AACS: variants seen among roughly 807,000 people sequenced by gnomAD.
AACS encodes the protein acetoacetyl-CoA synthetase, also known as acetoacetate-CoA ligase.
A neutral mutation model predicts 83.1 loss-of-function variants in AACS; 69 were observed. The ratio of observed to expected loss-of-function variants is 0.83; its 90% confidence interval spans 0.68 to 1.01. The LOEUF is 1.01. Among genes scored for constraint, AACS ranks in the 50% least tolerant of loss-of-function variants. The pLI is 0.00. For missense variants in AACS, 866 were observed against 882.2 expected, an observed-to-expected ratio of 0.98 and a Z score of 0.23; for synonymous variants, 333 against 343.4, an observed-to-expected ratio of 0.97 and a Z score of 0.33.
intron 17 of AACS, among the ~76,000 whole-genome samples, chr12:125,138,014 T>G (rs1326170684): frequency 6.6e-6 from 1 of 152,246 alleles, no homozygotes; most frequent in African/African-American, 2.4e-5. Flanking sequence ...TCTCTTTGCC[T>G]TAAAAGTTAT....
chr12:125,070,143 C>T (rs1007892805), intron 1 of AACS, among the ~76,000 whole-genome samples: 1 of 152,264 alleles, frequency 6.6e-6, no homozygotes, highest in East Asian at 1.9e-4. Context: ...GGGGAGGGTG[C>T]TGAGTGAAGG....
At chr12:125,066,214 T>C (rs1222190685) in intron 1 of AACS, among the ~76,000 whole-genome samples, 3 of 152,042 alleles carry the variant, frequency 2.0e-5, no homozygotes, top group African/African-American at 7.2e-5. Context: ...AGCAGGATGG[T>C]CAGGCAGGAG....
intron 7 of AACS, among the ~76,000 whole-genome samples, chr12:125,106,605 C>T (rs1387633285): frequency 6.6e-6 from 1 of 152,176 alleles, no homozygotes; most frequent in Non-Finnish European, 1.5e-5. Flanking sequence ...TCTAGCATCT[C>T]CTCCTCTCCC....
intron 3 of AACS, among the ~76,000 whole-genome samples, chr12:125,081,520 G>C (rs1956184829): frequency 6.6e-6 from 1 of 152,136 alleles, no homozygotes; most frequent in South Asian, 2.1e-4. Flanking sequence ...ACGGAGCTCT[G>C]CTCCATGCTC....
At chr12:125,072,964 G>A (rs1224674825) in intron 1 of AACS, among the ~76,000 whole-genome samples, 2 of 110,930 alleles carry the variant, frequency 1.8e-5, no homozygotes, top group South Asian at 6.1e-4. Context: ...GTTTCGCTCT[G>A]TTGCCCAGGC....
At chr12:125,101,248 ACACT>A (rs1400202561) in intron 5 of AACS, 3 of 152,214 alleles carry the variant, frequency 2.0e-5, no homozygotes, top group Non-Finnish European at 2.9e-5. Context: ...ATCTGGACTA[ACACT>A]CAGGGAGTGT....
rs1283911850 is a variant in AACS at position 125,129,495 on chromosome 12, C to T, written c.1549+35C>T. On this transcript the variant is annotated intron_variant, in intron 14 of 17. Transcript: ENST00000316519. This position sits in a 1 kb window ranked among gnomAD's most constrained non-coding sequence, Gnocchi z 4.3. ...AGAGATGCAGACAGAGCTGGCCAGC[C>T]TCTGCCTTGGCTGGGCCTTCTGTGT... The T allele has an allele frequency of 5.6e-6, 9 of 1,604,944 alleles. No individual in the cohort carries two copies. The highest frequency in any genetic ancestry group is 6.8e-6 in the Non-Finnish European group (8 of 1,175,602).
chr12:125,067,622 C>T (rs1016894372), intron 1 of AACS, among the ~76,000 whole-genome samples: 1 of 152,036 alleles, frequency 6.6e-6, no homozygotes, highest in Non-Finnish European at 1.5e-5. Context: ...CAACCTCTGC[C>T]TCCTGGGTTC....
At position 125,102,761 on chromosome 12, in the gene AACS, A is replaced by G. The variant is rs372042543; in HGVS notation, c.653A>G (p.Asn218Ser). 1.2e-6 allele frequency: 2 copies of G among 1,614,006 alleles called. No homozygotes were observed. The highest frequency in any genetic ancestry group is 1.3e-5 in the African/African-American group (1 of 74,900). Residue 218 changes from asparagine to serine, a missense_variant, in exon 6 of 18, where the codon AAC becomes AGC. Transcript: ENST00000316519. ...EAVVYNGKEH[N>S]HMEKLQQVVK... The stretch of plus-strand genomic sequence containing the variant: ...GTTGTCTATAATGGCAAAGAGCACA[A>G]CCACATGGAAAAGCTGCAGCAGGTG...
intron 10 of AACS, 131 bp downstream of exon 10, chr12:125,118,896 C>T (rs948989169): frequency 2.8e-5 from 38 of 1,334,276 alleles, no homozygotes; most frequent in East Asian, 1.1e-4. Context: ...CCTTTGTGGA[C>T]GCCCCCTCTC....
In AACS at chr12:125,119,104, C is replaced by T. The variant is rs528979859; in HGVS notation, c.1121+339C>T. On this transcript the variant is annotated intron_variant, in intron 10 of 17. Coordinates refer to ENST00000316519, the MANE Select transcript of AACS (RefSeq NM_023928.5). The stretch of plus-strand genomic sequence containing the variant: ...TAAAAATGGTATGTATCGTAAGGCA[C>T]GCGGCATGGTATTTTGCTGTGTATA... Among the ~76,000 whole-genome samples, 125 of 152,262 alleles carry T rather than the reference C, an allele frequency of 8.2e-4. 1 individual carries two copies. The highest frequency in any genetic ancestry group is 3.4e-4 in the Non-Finnish European group (23 of 68,024).
chr12:125,077,713 G>C (rs1011753427), intron 3 of AACS, among the ~76,000 whole-genome samples: 1 of 151,478 alleles, frequency 6.6e-6, no homozygotes, highest in Non-Finnish European at 1.5e-5. Context: ...TCTCCAAGTT[G>C]GCAATTTTTT....
At position 125,124,732 on chromosome 12, in the gene AACS, G is replaced by A. The variant is rs757556585; in HGVS notation, c.1149G>A (p.Lys383=). 5.6e-6 allele frequency: 9 copies of A among 1,614,048 alleles called. No homozygotes were observed. The highest frequency in any genetic ancestry group is 7.6e-6 in the Non-Finnish European group (9 of 1,180,038). The change falls in exon 11 of 18, where the codon AAG becomes AAA. Residue 383 remains lysine, a synonymous_variant. Coordinates refer to ENST00000316519, the MANE Select transcript of AACS (RefSeq NM_023928.5). ...IGITVLVTGA[K]WLSVLEEKAM... ...TCACTGTCCTGGTAACTGGGGCCAA[G>A]TGGCTGTCAGTGCTGGAAGAGAAGG...
chr12:125,103,230 A>G (rs7135370), intron 7 of AACS, 149 bp downstream of exon 7: 13,260 of 645,542 alleles, frequency 0.021, 430 homozygotes, highest in East Asian at 0.093. Context: ...TGTAGATAAG[A>G]CACCTGAGGC....
intron 1 of AACS, among the ~76,000 whole-genome samples, chr12:125,068,681 A>G (rs1267574138): frequency 6.6e-6 from 1 of 151,940 alleles, no homozygotes; most frequent in African/African-American, 2.4e-5. Flanking sequence ...CCCCTTTCAT[A>G]TTCCTGGCCC....
chr12:125,099,006 A>C (rs1956668525), intron 5 of AACS, among the ~76,000 whole-genome samples: 1 of 152,072 alleles, frequency 6.6e-6, no homozygotes, highest in Non-Finnish European at 1.5e-5. Context: ...TCCTTTTCTC[A>C]CTGGACATCT....
chr12:125,128,504 G>A, intron 13 of AACS: 1 of 387,214 alleles, frequency 2.6e-6, no homozygotes, highest in Non-Finnish European at 4.6e-6. Flanking sequence ...CAGGTGGAGA[G>A]ATGTGTGCTC....
At chr12:125,078,908 C>T (rs1014036607) in intron 3 of AACS, among the ~76,000 whole-genome samples, 10 of 149,394 alleles carry the variant, frequency 6.7e-5, no homozygotes, top group Admixed American at 1.3e-4. Flanking sequence ...GGGGGCAAAG[C>T]GTGGTGGTTT....
At position 125,114,529 on chromosome 12, in the gene AACS, G is replaced by C. The variant is rs567580930; in HGVS notation, c.968G>C (p.Ser323Thr). ...CACCTGCTGCACGGCAACATGACCA[G>C]CAGTGACATCCTCCTGTGCTACACC... ...KEHLLHGNMT[S>T]SDILLCYTTV... The change falls in exon 9 of 18, where the codon AGC becomes ACC. Residue 323 changes from serine (S) to threonine (T), a missense_variant. By Grantham distance (58) the Ser-to-Thr change is moderately conservative. Transcript: ENST00000316519. 1 of 1,613,442 alleles carries C rather than the reference G, an allele frequency of 6.2e-7. No individual in the cohort carries two copies. The highest frequency in any genetic ancestry group is 1.3e-5 in the African/African-American group (1 of 75,040).
Sources: gnomAD v4.1 joint callset for allele counts (sites outside exome capture counted in the v4.1 genomes callset) on GRCh38, gnomAD v4.1.1 for gene constraint, Gnocchi (gnomAD v3.1) non-coding constraint, MANE v1.5 for transcripts, NCBI Gene and HGNC (gene_info 2026-07-23, HGNC 2026-07-21) for gene names.